BCAS3: variants seen among roughly 807,000 people sequenced by gnomAD.
BCAS3 encodes BCAS3 microtubule associated cell migration factor, also known as BCAS4/BCAS3 fusion.
Under a neutral mutation model 116.1 loss-of-function variants are expected in BCAS3, and 53 were observed. That is an observed-to-expected ratio of 0.46 (90% CI 0.37 to 0.57). BCAS3 has a LOEUF of 0.57. BCAS3 is among the 20% of genes least tolerant of loss of function. The pLI, the probability that BCAS3 is intolerant of heterozygous loss-of-function variation, is 0.00. For synonymous variants in BCAS3, 391 were observed against 408.2 expected, an observed-to-expected ratio of 0.96 and a Z score of 0.51; for missense variants, 917 against 1,165.4, an observed-to-expected ratio of 0.79 and a Z score of 3.10.
chr17:61,331,824 C>T (rs1283898083), intron 22 of BCAS3, among the ~76,000 whole-genome samples: 1 of 152,108 alleles, frequency 6.6e-6, no homozygotes, highest in African/African-American at 2.4e-5. Flanking sequence ...GTACTCAGCA[C>T]GTGGCAGGTG....
intron 9 of BCAS3, among the ~76,000 whole-genome samples, chr17:60,877,173 GAT>G (rs10538503): frequency 0.28 from 41,429 of 146,942 alleles, 9,949 homozygotes; most frequent in African/African-American, 0.66. Flanking sequence ...TTTAAGAAAT[GAT>G]ATATATATAT....
chr17:60,817,406 G>A (rs921308165), intron 7 of BCAS3, among the ~76,000 whole-genome samples: 3 of 152,152 alleles, frequency 2.0e-5, no homozygotes, highest in Non-Finnish European at 4.4e-5. Context: ...ATGAGTAATA[G>A]CAAATGAGTA....
At chr17:60,869,735 G>A (rs1490828875) in intron 8 of BCAS3, among the ~76,000 whole-genome samples, 1 of 152,006 alleles carries the variant, frequency 6.6e-6, no homozygotes, top group Non-Finnish European at 1.5e-5. Flanking sequence ...GGGTATAGAA[G>A]TGTTAAACAA....
intron 7 of BCAS3, among the ~76,000 whole-genome samples, chr17:60,832,500 C>A (rs2051028590): frequency 6.6e-6 from 1 of 152,312 alleles, no homozygotes; most frequent in South Asian, 2.1e-4. Flanking sequence ...TTGTTTGCAT[C>A]TGTGTGTGCT....
chr17:61,115,053 C>T (rs1216297379), intron 22 of BCAS3, among the ~76,000 whole-genome samples: 6 of 146,258 alleles, frequency 4.1e-5, no homozygotes, highest in East Asian at 2.0e-4. Context: ...AAAGCTGAAA[C>T]TGGATCCCTT....
In BCAS3 at chr17:61,392,018, T is replaced by A; in HGVS notation, c.2635T>A (p.Ser879Thr). The A allele has an allele frequency of 6.2e-7, 1 of 1,613,836 alleles. No individual in the cohort carries two copies. Among genetic ancestry groups the A allele is most frequent in the Non-Finnish European group, 8.5e-7 (1 of 1,179,982 alleles). Reference sequence around the variant, plus strand: ...AAGCATCGAGACTCTGAGTAACAGCTCAGGCTCCACCAGCGGCAGCATACC... The same window carrying A: ...AAGCATCGAGACTCTGAGTAACAGCACAGGCTCCACCAGCGGCAGCATACC... ...EGSIETLSNS[S>T]GSTSGSIPRN... is the part of the protein sequence containing the mutation. Residue 879 changes from serine to threonine, a missense_variant, in exon 24 of 24, where the codon TCA becomes ACA. By Grantham distance (58) the Ser-to-Thr change is moderately conservative. Around this residue, in one of 3 missense-constraint regions of BCAS3, gnomAD observed 109 missense variants for 122.8 expected, o/e 0.89. Coordinates refer to ENST00000407086, the MANE Select transcript of BCAS3 (RefSeq NM_017679.5). The surrounding 1 kb of genome is among the most constrained non-coding windows in gnomAD (Gnocchi z 6.4).
chr17:61,353,254 G>A (rs931583686), intron 22 of BCAS3, among the ~76,000 whole-genome samples: 8 of 152,276 alleles, frequency 5.3e-5, no homozygotes, highest in African/African-American at 1.7e-4. Flanking sequence ...GGGACCAACA[G>A]CCAAAAAATG....
rs1006370681 is a variant in BCAS3 at position 61,256,955 on chromosome 17, T to C, written c.2426-111372T>C. On this transcript the variant is annotated intron_variant, in intron 22 of 23. Coordinates refer to ENST00000407086, the MANE Select transcript of BCAS3 (RefSeq NM_017679.5). The surrounding 1 kb of genome is among the most constrained non-coding windows in gnomAD (Gnocchi z 5.6). ...TAGGTTCTCTTTGAGGTATTTTCTC[T>C]ACCAAAATCAAGATTTTTGGATTTA... is the stretch of plus-strand genomic sequence containing the variant. Among the ~76,000 whole-genome samples the C allele has an allele frequency of 6.6e-6, 1 of 152,194 alleles. No homozygotes were observed. Among genetic ancestry groups the C allele is most frequent in the Admixed American group, 6.5e-5 (1 of 15,278 alleles).
intron 10 of BCAS3, among the ~76,000 whole-genome samples, chr17:60,891,371 C>T (rs1467092192): frequency 6.6e-6 from 1 of 152,170 alleles, no homozygotes; most frequent in East Asian, 1.9e-4. Context: ...CAGTTGTTTT[C>T]CCTCTTCAGG....
In BCAS3 at chr17:61,380,306, G is replaced by A. The variant is rs991897147; in HGVS notation, c.2594-11671G>A. ...ACTGGGGAGGAGGGAGAGAGGGAAG[G>A]ATGATACCAGTTTAGGCTAGTGAGA... On this transcript the variant is annotated intron_variant, in intron 23 of 23. Transcript: ENST00000407086. This position sits in a 1 kb window ranked among gnomAD's most constrained non-coding sequence, Gnocchi z 4.2. 2.0e-5 allele frequency: 12 copies of A among 601,396 alleles called. No individual in the cohort carries two copies. The South Asian group carries it at 2.1e-4, about 11-fold the overall frequency. The allele number at this position is 601,396 out of a possible 1,614,324, so 37.3% of individuals were successfully genotyped here.
intron 10 of BCAS3, among the ~76,000 whole-genome samples, chr17:60,894,800 T>A (rs2057400551): frequency 6.6e-6 from 1 of 152,238 alleles, no homozygotes; most frequent in African/African-American, 2.4e-5. Flanking sequence ...TATTAAATGC[T>A]TTTTCTTGTA....
At position 61,280,621 on chromosome 17, in the gene BCAS3, A is replaced by G. The variant is rs576559811; in HGVS notation, c.2426-87706A>G. Among the ~76,000 whole-genome samples, 16 of 152,326 alleles carry G rather than the reference A, an allele frequency of 1.1e-4. No individual in the cohort carries two copies. In the South Asian group the frequency reaches 2.9e-3, roughly 28 times the overall value. ...AGTACCTACCTTGGAGTGTGGTTGTATAGATTTGATAAAATAATGAAAGTA... is the reference window on the plus strand; with the variant it reads ...AGTACCTACCTTGGAGTGTGGTTGTGTAGATTTGATAAAATAATGAAAGTA... On this transcript the variant is annotated intron_variant, in intron 22 of 23. Transcript: ENST00000407086.
At chr17:60,737,215 C>T (rs1378014120) in intron 5 of BCAS3, among the ~76,000 whole-genome samples, 1 of 152,058 alleles carries the variant, frequency 6.6e-6, no homozygotes, top group Non-Finnish European at 1.5e-5. Context: ...GCTGGGATTA[C>T]AGGTGTGAGC....
In BCAS3 at chr17:61,143,666, C is replaced by G. The variant is rs113751344; in HGVS notation, c.2425+59102C>G. On this transcript the variant is annotated intron_variant, in intron 22 of 23. Coordinates refer to ENST00000407086, the MANE Select transcript of BCAS3 (RefSeq NM_017679.5). ...TCTACTAAAAGTACAAAAATTAGCC[C>G]GGCATGGTGGCGTGTGCATGTAATC... Among the ~76,000 whole-genome samples, 357 of 151,932 alleles carry G rather than the reference C, an allele frequency of 2.3e-3. 1 individual carries two copies. Among genetic ancestry groups the G allele is most frequent in the African/African-American group, 8.3e-3 (344 of 41,458 alleles).
In BCAS3 at chr17:61,128,771, G is replaced by A. The variant is rs1271706402; in HGVS notation, c.2425+44207G>A. On this transcript the variant is annotated intron_variant, in intron 22 of 23. Transcript: ENST00000407086. This position sits in a 1 kb window ranked among gnomAD's most constrained non-coding sequence, Gnocchi z 4.1. ...TAGCTGGTAGAATTTTTTCCCCCAG[G>A]AAAAAAAAATCGGCAACTTTTGGTC... Among the ~76,000 whole-genome samples the A allele has an allele frequency of 1.3e-5, 2 of 151,082 alleles. No individual in the cohort carries two copies. The highest frequency in any genetic ancestry group is 6.6e-5 in the Admixed American group (1 of 15,138).
intron 7 of BCAS3, among the ~76,000 whole-genome samples, chr17:60,839,769 C>T (rs555292711): frequency 6.6e-6 from 1 of 152,204 alleles, no homozygotes; most frequent in Non-Finnish European, 1.5e-5. Flanking sequence ...AGCTTTTTCC[C>T]ATTTAAAAAT....
At position 61,326,650 on chromosome 17, in the gene BCAS3, G is replaced by A. The variant is rs562385902; in HGVS notation, c.2426-41677G>A. On this transcript the variant is annotated intron_variant, in intron 22 of 23. Transcript: ENST00000407086. The surrounding 1 kb of genome is among the most constrained non-coding windows in gnomAD (Gnocchi z 5.3). ...GTGGAGAGGAAGAGATGTTAAGGAT[G>A]CTCCCCAGTTTTCTGGCTTACTTCA... Among the ~76,000 whole-genome samples, 1 of 152,204 alleles carries A rather than the reference G, an allele frequency of 6.6e-6. No homozygotes were observed. Among genetic ancestry groups the A allele is most frequent in the South Asian group, 2.1e-4 (1 of 4,830 alleles).
chr17:60,868,560 C>A lies in BCAS3; in HGVS notation c.477-16C>A, dbSNP rs142836169. The A allele has an allele frequency of 2.0e-6, 3 of 1,491,124 alleles. No individual in the cohort carries two copies. In the African/African-American group the frequency reaches 4.4e-5, roughly 22 times the overall value. The allele number at this position is 1,491,124 out of a possible 1,614,324, so 92.4% of individuals were successfully genotyped here. A position where few individuals can be genotyped will look rare whatever the true frequency, so the allele number is the denominator to read the frequency against. On this transcript the variant is annotated splice_polypyrimidine_tract_variant and intron_variant, in intron 7 of 23. Transcript: ENST00000407086. ...TTTTAAAAAAATGACATTTTTCTTT[C>A]TTTTTTCTTTTTTAGCACAAGCCCA...
intron 6 of BCAS3, among the ~76,000 whole-genome samples, chr17:60,792,704 G>A (rs1047002472): frequency 7.2e-5 from 11 of 152,148 alleles, no homozygotes; most frequent in African/African-American, 2.4e-4. Context: ...CTCCCCAGCC[G>A]TTTGGCATGT....
Sources: gnomAD v4.1 joint callset for allele counts (sites outside exome capture counted in the v4.1 genomes callset) on GRCh38, gnomAD v4.1.1 for gene constraint, gnomAD v4.1.1 regional missense constraint, Gnocchi (gnomAD v3.1) non-coding constraint, MANE v1.5 for transcripts, NCBI Gene and HGNC (gene_info 2026-07-23, HGNC 2026-07-21) for gene names.